C3orf80: variants seen among roughly 807,000 people sequenced by gnomAD.
The protein encoded by C3orf80 is uncharacterized membrane protein C3orf80.
A neutral mutation model predicts 15.8 loss-of-function variants in C3orf80; 10 were observed. That is an observed-to-expected ratio of 0.63 (90% CI 0.39 to 1.07). The LOEUF is 1.07. C3orf80 is among the 50% of genes least tolerant of loss of function. The probability of loss-of-function intolerance (pLI) is 0.01; values close to 1 mark genes in which losing one functional copy is unlikely to be tolerated. For missense variants in C3orf80, 364 were observed against 379.3 expected (o/e 0.96, Z 0.34); for synonymous variants, 183 against 192.0 (o/e 0.95, Z 0.39).
chr3:160,226,049 C>A lies in C3orf80; in HGVS notation c.414C>A (p.Asp138Glu), dbSNP rs1022575775. Residue 138 changes from aspartate (D) to glutamate (E), a missense_variant, in exon 1 of 1, where the codon GAC (aspartate) becomes GAA (glutamate). Coordinates refer to ENST00000326474, the MANE Select transcript of C3orf80 (RefSeq NM_001168214.2). The surrounding 1 kb of genome is among the most constrained non-coding windows in gnomAD (Gnocchi z 5.2). ...GGGGCGCGGGGCCGCCCGACGACGA[C>A]GACGACTCGCCCGCTCTGCTGCGCG... is the stretch of plus-strand genomic sequence containing the variant. The part of the protein sequence containing the change: ...PLGGAGPPDD[D>E]DDSPALLRDE... 9 of 1,412,832 alleles carry A rather than the reference C, an allele frequency of 6.4e-6. No homozygotes were observed. The highest frequency in any genetic ancestry group is 6.0e-5 in the African/African-American group (4 of 66,780). 87.5% of individuals were successfully genotyped at this position (1,412,832 alleles called of 1,614,324 possible).
rs1711526397 is a variant in C3orf80, at chr3:160,228,195, TTTCTC to T, written c.*1818_*1822del. 6.6e-6 allele frequency: 1 copy of T among 152,134 alleles called. No homozygotes were observed. The allele number at this position is 152,134 out of a possible 1,614,324, so 9.4% of individuals were successfully genotyped here. A position where few individuals can be genotyped will look rare whatever the true frequency, so the allele number is the denominator to read the frequency against. On this transcript the variant is annotated 3_prime_UTR_variant, in exon 1 of 1. Coordinates refer to ENST00000326474, the MANE Select transcript of C3orf80 (RefSeq NM_001168214.2). ...AAAAAATAGCAAAACATTAAAATCTTTTCTCTGTGCAAATTTTATCAGATGTGTGG... is the reference window on the plus strand; with the variant it reads ...AAAAAATAGCAAAACATTAAAATCTTTGTGCAAATTTTATCAGATGTGTGG...
At position 160,225,671 on chromosome 3, in the gene C3orf80, G is replaced by A. The variant is rs893766271; in HGVS notation, c.36G>A (p.Ser12=). ...CCGGGGTCACTGCTGAGGGCCTGTC[G>A]GTGGCTCCGGCGCCGCCGCCTCTGC... ...WGPGVTAEGL[S]VAPAPPPLLP... is the part of the protein sequence containing the mutation. The change falls in exon 1 of 1, where the codon TCG becomes TCA. Residue 12 remains serine, a synonymous_variant. Transcript: ENST00000326474. The surrounding 1 kb of genome is among the most constrained non-coding windows in gnomAD (Gnocchi z 5.6). 1.1e-5 allele frequency: 16 copies of A among 1,397,090 alleles called. No individual in the cohort carries two copies. Among genetic ancestry groups the A allele is most frequent in the Admixed American group, 9.6e-5 (3 of 31,384 alleles). The allele number at this position is 1,397,090 out of a possible 1,614,324, so 86.5% of individuals were successfully genotyped here.
rs1334580587 is a variant in C3orf80, at chr3:160,226,007, G to C, written c.372G>C (p.Gly124=). Residue 124 remains glycine (G), a synonymous_variant, in exon 1 of 1, where the codon GGG becomes GGC. Coordinates refer to ENST00000326474, the MANE Select transcript of C3orf80 (RefSeq NM_001168214.2). The surrounding 1 kb of genome is among the most constrained non-coding windows in gnomAD (Gnocchi z 5.2). ...CGGGACAGCGGCCCGGGCCTCCGGGGGGCGCCGGACCGCTGGGGGGCGCGG... is the reference window on the plus strand; with the variant it reads ...CGGGACAGCGGCCCGGGCCTCCGGGCGGCGCCGGACCGCTGGGGGGCGCGG... ...ARPGQRPGPP[G]GAGPLGGAGP... The C allele has an allele frequency of 1.9e-5, 25 of 1,318,842 alleles. No individual in the cohort carries two copies. The highest frequency in any genetic ancestry group is 2.4e-5 in the Non-Finnish European group (25 of 1,040,524). 81.7% of individuals were successfully genotyped at this position (1,318,842 alleles called of 1,614,324 possible).
Position 160,225,630 on chromosome 3 carries a change from C to A in C3orf80, c.-6C>A, listed in dbSNP as rs1725650426. ...TCCCGGACGTTAGCCGAGGTCTGCGCGGGCCATGTGGGGACCCGGGGTCAC... is the reference window on the plus strand; with the variant it reads ...TCCCGGACGTTAGCCGAGGTCTGCGAGGGCCATGTGGGGACCCGGGGTCAC... On this transcript the variant is annotated 5_prime_UTR_variant, in exon 1 of 1. Coordinates refer to ENST00000326474, the MANE Select transcript of C3orf80 (RefSeq NM_001168214.2). This position sits in a 1 kb window ranked among gnomAD's most constrained non-coding sequence, Gnocchi z 5.6. 8 of 1,346,212 alleles carry A rather than the reference C, an allele frequency of 5.9e-6. No individual in the cohort carries two copies. The highest frequency in any genetic ancestry group is 7.6e-6 in the Non-Finnish European group (8 of 1,055,832). The allele number at this position is 1,346,212 out of a possible 1,614,324, so 83.4% of individuals were successfully genotyped here. A position where few individuals can be genotyped will look rare whatever the true frequency, so the allele number is the denominator to read the frequency against.
Position 160,225,639 on chromosome 3 carries a change from TG to T in C3orf80, c.8del (p.Gly3AspfsTer183). 1 of 1,365,754 alleles carries T rather than the reference TG, an allele frequency of 7.3e-7. No individual in the cohort carries two copies. Among genetic ancestry groups the T allele is most frequent in the Non-Finnish European group, 9.4e-7 (1 of 1,065,666 alleles). The allele number at this position is 1,365,754 out of a possible 1,614,324, so 84.6% of individuals were successfully genotyped here. A position where few individuals can be genotyped will look rare whatever the true frequency, so the allele number is the denominator to read the frequency against. M[W>X]GPGVTAEGLS... ...TTAGCCGAGGTCTGCGCGGGCCATGTGGGGACCCGGGGTCACTGCTGAGGGC... is the reference window on the plus strand; with the variant it reads ...TTAGCCGAGGTCTGCGCGGGCCATGTGGGACCCGGGGTCACTGCTGAGGGC... On this transcript the variant is annotated frameshift_variant, in exon 1 of 1. Transcript: ENST00000326474. LOFTEE classifies it high-confidence loss of function. The surrounding 1 kb of genome is among the most constrained non-coding windows in gnomAD (Gnocchi z 5.6).
In C3orf80 at chr3:160,226,903, T is replaced by C. The variant is rs1434935313; in HGVS notation, c.*524T>C. On this transcript the variant is annotated 3_prime_UTR_variant, in exon 1 of 1. Coordinates refer to ENST00000326474, the MANE Select transcript of C3orf80 (RefSeq NM_001168214.2). The surrounding 1 kb of genome is among the most constrained non-coding windows in gnomAD (Gnocchi z 5.2). ...GTGGGTGTGGGAGAGCGCCACTTGG[T>C]TATGATGAAATCGCTGCCATGCGGC... 1 of 152,666 alleles carries C rather than the reference T, an allele frequency of 6.6e-6. No homozygotes were observed. Among genetic ancestry groups the C allele is most frequent in the Non-Finnish European group, 1.5e-5 (1 of 68,388 alleles). The allele number at this position is 152,666 out of a possible 1,614,324, so 9.5% of individuals were successfully genotyped here. A position where few individuals can be genotyped will look rare whatever the true frequency, so the allele number is the denominator to read the frequency against.
Position 160,225,814 on chromosome 3 carries a change from C to T in C3orf80, c.179C>T (p.Ala60Val), listed in dbSNP as rs1265161283. The change falls in exon 1 of 1, where the codon GCG becomes GTG. Residue 60 changes from alanine to valine, a missense_variant. Physicochemically the swap from Ala to Val is moderately conservative, Grantham distance 64 (BLOSUM62 0). Coordinates refer to ENST00000326474, the MANE Select transcript of C3orf80 (RefSeq NM_001168214.2). The surrounding 1 kb of genome is among the most constrained non-coding windows in gnomAD (Gnocchi z 5.6). ...ERCCDATNAT[A>V]VRCCKLPLHA... ...TGCTGCGACGCGACCAACGCCACGG[C>T]GGTGCGCTGCTGCAAGCTGCCGCTG... The T allele has an allele frequency of 2.0e-6, 3 of 1,478,844 alleles. No homozygotes were observed. Among genetic ancestry groups the T allele is most frequent in the South Asian group, 2.5e-5 (2 of 79,346 alleles). 91.6% of individuals were successfully genotyped at this position (1,478,844 alleles called of 1,614,324 possible). A position where few individuals can be genotyped will look rare whatever the true frequency, so the allele number is the denominator to read the frequency against.
rs1711500102 is a variant in C3orf80, at chr3:160,226,434, G to A, written c.*55G>A. 7 of 1,380,630 alleles carry A rather than the reference G, an allele frequency of 5.1e-6. No homozygotes were observed. In the African/African-American group the frequency reaches 7.6e-5, roughly 15 times the overall value. 85.5% of individuals were successfully genotyped at this position (1,380,630 alleles called of 1,614,324 possible). ...CTGGGGGCTGCGGGTGGCAAGCAAC[G>A]GCCGGGGTGCCGCCGCCAACTGCCT... On this transcript the variant is annotated 3_prime_UTR_variant, in exon 1 of 1. Coordinates refer to ENST00000326474, the MANE Select transcript of C3orf80 (RefSeq NM_001168214.2). The surrounding 1 kb of genome is among the most constrained non-coding windows in gnomAD (Gnocchi z 5.2).
Position 160,225,991 on chromosome 3 carries a change from G to T in C3orf80, c.356G>T (p.Arg119Leu), listed in dbSNP as rs1725662662. Residue 119 changes from arginine to leucine, a missense_variant, in exon 1 of 1, where the codon CGG (arginine) becomes CTG (leucine). By Grantham distance (102) the Arg-to-Leu change is moderately radical (BLOSUM62 -2). Transcript: ENST00000326474. This position sits in a 1 kb window ranked among gnomAD's most constrained non-coding sequence, Gnocchi z 5.6. ...CGCGGCCAGGCGCGCCCGGGACAGC[G>T]GCCCGGGCCTCCGGGGGGCGCCGGA... is the stretch of plus-strand genomic sequence containing the variant. ...YPRGQARPGQ[R>L]PGPPGGAGPL... is the part of the protein sequence containing the mutation. 1.2e-5 allele frequency: 16 copies of T among 1,330,636 alleles called. No individual in the cohort carries two copies. Among genetic ancestry groups the T allele is most frequent in the Non-Finnish European group, 1.5e-5 (16 of 1,044,330 alleles). The allele number at this position is 1,330,636 out of a possible 1,614,324, so 82.4% of individuals were successfully genotyped here.
Position 160,225,542 on chromosome 3 carries a change from C to A in C3orf80, c.-94C>A. ...GGCGCGGGAGGCGGCGCGCGCGGGACCCGAGCGGAGCGCCGGGGAGGGGCC... is the reference window on the plus strand; with the variant it reads ...GGCGCGGGAGGCGGCGCGCGCGGGAACCGAGCGGAGCGCCGGGGAGGGGCC... On this transcript the variant is annotated 5_prime_UTR_variant, in exon 1 of 1. Coordinates refer to ENST00000326474, the MANE Select transcript of C3orf80 (RefSeq NM_001168214.2). This position sits in a 1 kb window ranked among gnomAD's most constrained non-coding sequence, Gnocchi z 5.6. 8.5e-7 allele frequency: 1 copy of A among 1,170,496 alleles called. No individual in the cohort carries two copies. The highest frequency in any genetic ancestry group is 1.1e-6 in the Non-Finnish European group (1 of 929,594). The allele number at this position is 1,170,496 out of a possible 1,614,324, so 72.5% of individuals were successfully genotyped here.
In C3orf80 at chr3:160,226,517, C is replaced by G; in HGVS notation, c.*138C>G. On this transcript the variant is annotated 3_prime_UTR_variant, in exon 1 of 1. Transcript: ENST00000326474. This position sits in a 1 kb window ranked among gnomAD's most constrained non-coding sequence, Gnocchi z 5.2. ...CGGCACCCCGCGACTGGGTTGGGGT[C>G]ACTCGTCTCCCTCGCGTTCTCCCGG... is the stretch of plus-strand genomic sequence containing the variant. 1 of 863,684 alleles carries G rather than the reference C, an allele frequency of 1.2e-6. No individual in the cohort carries two copies. Among genetic ancestry groups the G allele is most frequent in the Non-Finnish European group, 1.6e-6 (1 of 619,658 alleles). The allele number at this position is 863,684 out of a possible 1,614,324, so 53.5% of individuals were successfully genotyped here.
At position 160,227,382 on chromosome 3, in the gene C3orf80, GAGA is replaced by G. The variant is rs931211451; in HGVS notation, c.*1008_*1010del. The G allele has an allele frequency of 9.9e-5, 15 of 152,180 alleles. No individual in the cohort carries two copies. The highest frequency in any genetic ancestry group is 3.1e-4 in the African/African-American group (13 of 41,446). The allele number at this position is 152,180 out of a possible 1,614,324, so 9.4% of individuals were successfully genotyped here. A position where few individuals can be genotyped will look rare whatever the true frequency, so the allele number is the denominator to read the frequency against. ...GAAGGATATCTTATTTTCACTATTTGAGAAGAATATATTTTATTTTTAGTACTG... is the reference window on the plus strand; with the variant it reads ...GAAGGATATCTTATTTTCACTATTTGAGAATATATTTTATTTTTAGTACTG... On this transcript the variant is annotated 3_prime_UTR_variant, in exon 1 of 1. Transcript: ENST00000326474.
rs1227433139 is a variant in C3orf80, at chr3:160,226,250, C to T, written c.615C>T (p.Tyr205=). 2 of 1,526,484 alleles carry T rather than the reference C, an allele frequency of 1.3e-6. No homozygotes were observed. The highest frequency in any genetic ancestry group is 1.4e-5 in the African/African-American group (1 of 71,334). 94.6% of individuals were successfully genotyped at this position (1,526,484 alleles called of 1,614,324 possible). Residue 205 remains tyrosine, a synonymous_variant, in exon 1 of 1, where the codon TAC becomes TAT. Coordinates refer to ENST00000326474, the MANE Select transcript of C3orf80 (RefSeq NM_001168214.2). This position sits in a 1 kb window ranked among gnomAD's most constrained non-coding sequence, Gnocchi z 5.2. ...SYEEVKYLPT[Y]EESMRLQQLS... ...AGGAGGTCAAGTATCTGCCCACCTA[C>T]GAGGAGTCCATGCGGCTGCAGCAGC...
In C3orf80 at chr3:160,225,910, T is replaced by C; in HGVS notation, c.275T>C (p.Phe92Ser). 1 of 1,474,638 alleles carries C rather than the reference T, an allele frequency of 6.8e-7. No individual in the cohort carries two copies. The allele number at this position is 1,474,638 out of a possible 1,614,324, so 91.3% of individuals were successfully genotyped here. A position where few individuals can be genotyped will look rare whatever the true frequency, so the allele number is the denominator to read the frequency against. The stretch of plus-strand genomic sequence containing the variant: ...GGGCTGCTCATCCTGCTGGTGCTCT[T>C]CGCCATCGGCTATTTCCTGCAGCGC... ...LSGLLILLVL[F>S]AIGYFLQRII... The change falls in exon 1 of 1, where the codon TTC becomes TCC. Residue 92 changes from phenylalanine (F) to serine (S), a missense_variant. Coordinates refer to ENST00000326474, the MANE Select transcript of C3orf80 (RefSeq NM_001168214.2). The surrounding 1 kb of genome is among the most constrained non-coding windows in gnomAD (Gnocchi z 5.6).
chr3:160,226,009 GCGC>G lies in C3orf80; in HGVS notation c.377_379del (p.Ala126del). The G allele has an allele frequency of 7.5e-7, 1 of 1,326,180 alleles. No individual in the cohort carries two copies. The highest frequency in any genetic ancestry group is 9.6e-7 in the Non-Finnish European group (1 of 1,045,176). 82.2% of individuals were successfully genotyped at this position (1,326,180 alleles called of 1,614,324 possible). Reference sequence around the variant, plus strand: ...GGACAGCGGCCCGGGCCTCCGGGGGGCGCCGGACCGCTGGGGGGCGCGGGGCCG... The same window carrying G: ...GGACAGCGGCCCGGGCCTCCGGGGGGCGGACCGCTGGGGGGCGCGGGGCCG... On this transcript the variant is annotated inframe_deletion, in exon 1 of 1. Transcript: ENST00000326474. This position sits in a 1 kb window ranked among gnomAD's most constrained non-coding sequence, Gnocchi z 5.2.
chr3:160,226,501 G>T lies in C3orf80; in HGVS notation c.*122G>T, dbSNP rs1711500372. On this transcript the variant is annotated 3_prime_UTR_variant, in exon 1 of 1. Coordinates refer to ENST00000326474, the MANE Select transcript of C3orf80 (RefSeq NM_001168214.2). The surrounding 1 kb of genome is among the most constrained non-coding windows in gnomAD (Gnocchi z 5.2). ...CCCTGGCCTAACTGCCCGGCACCCC[G>T]CGACTGGGTTGGGGTCACTCGTCTC... 1.9e-6 allele frequency: 2 copies of T among 1,074,724 alleles called. No individual in the cohort carries two copies. The highest frequency in any genetic ancestry group is 2.5e-6 in the Non-Finnish European group (2 of 807,246). The allele number at this position is 1,074,724 out of a possible 1,614,324, so 66.6% of individuals were successfully genotyped here. A position where few individuals can be genotyped will look rare whatever the true frequency, so the allele number is the denominator to read the frequency against.
In C3orf80 at chr3:160,225,823, G is replaced by T; in HGVS notation, c.188G>T (p.Cys63Phe). 1 of 1,481,294 alleles carries T rather than the reference G, an allele frequency of 6.8e-7. No individual in the cohort carries two copies. Among genetic ancestry groups the T allele is most frequent in the Non-Finnish European group, 8.9e-7 (1 of 1,121,036 alleles). 91.8% of individuals were successfully genotyped at this position (1,481,294 alleles called of 1,614,324 possible). The stretch of plus-strand genomic sequence containing the variant: ...GCGACCAACGCCACGGCGGTGCGCT[G>T]CTGCAAGCTGCCGCTGCACGCCTTC... ...CDATNATAVR[C>F]CKLPLHAFLD... The change falls in exon 1 of 1, where the codon TGC (cysteine) becomes TTC (phenylalanine). Residue 63 changes from cysteine to phenylalanine, a missense_variant. Cys to Phe is a radical substitution (Grantham distance 205, BLOSUM62 -2). Coordinates refer to ENST00000326474, the MANE Select transcript of C3orf80 (RefSeq NM_001168214.2). The surrounding 1 kb of genome is among the most constrained non-coding windows in gnomAD (Gnocchi z 5.6).
Position 160,225,945 on chromosome 3 carries a change from C to G in C3orf80, c.310C>G (p.Pro104Ala). The G allele has an allele frequency of 7.0e-7, 1 of 1,436,380 alleles. No individual in the cohort carries two copies. The highest frequency in any genetic ancestry group is 9.1e-7 in the Non-Finnish European group (1 of 1,094,796). 89.0% of individuals were successfully genotyped at this position (1,436,380 alleles called of 1,614,324 possible). ...IGYFLQRIIC[P>A]SPRRYPRGQA... Reference sequence around the variant, plus strand: ...CTATTTCCTGCAGCGCATCATCTGCCCCAGTCCACGCAGGTACCCGCGCGG... The same window carrying G: ...CTATTTCCTGCAGCGCATCATCTGCGCCAGTCCACGCAGGTACCCGCGCGG... The change falls in exon 1 of 1, where the codon CCC becomes GCC. Residue 104 changes from proline (P) to alanine (A), a missense_variant. Physicochemically the swap from Pro to Ala is conservative, Grantham distance 27 (BLOSUM62 -1). Coordinates refer to ENST00000326474, the MANE Select transcript of C3orf80 (RefSeq NM_001168214.2). The surrounding 1 kb of genome is among the most constrained non-coding windows in gnomAD (Gnocchi z 5.6).
rs1459305199 is a variant in C3orf80, at chr3:160,227,220, T to A, written c.*841T>A. On this transcript the variant is annotated 3_prime_UTR_variant, in exon 1 of 1. Transcript: ENST00000326474. ...AATTCACGACAAGGTAATCGTCTTATCACTTTTTGTAGGCCATTAATGGTC... is the reference window on the plus strand; with the variant it reads ...AATTCACGACAAGGTAATCGTCTTAACACTTTTTGTAGGCCATTAATGGTC... 1.3e-5 allele frequency: 2 copies of A among 152,316 alleles called. No homozygotes were observed. The highest frequency in any genetic ancestry group is 3.9e-4 in the East Asian group (2 of 5,192). 9.4% of individuals were successfully genotyped at this position (152,316 alleles called of 1,614,324 possible).
Sources: allele counts gnomAD v4.1 joint callset, GRCh38; gene constraint gnomAD v4.1.1; non-coding constraint Gnocchi (gnomAD v3.1); transcripts MANE v1.5; gene names NCBI Gene and HGNC (gene_info 2026-07-23, HGNC 2026-07-21).